KAT2B: variants seen among roughly 807,000 people sequenced by gnomAD.
KAT2B encodes lysine acetyltransferase 2B.
A neutral mutation model predicts 105.9 loss-of-function variants in KAT2B; 36 were observed. The observed-to-expected ratio is 0.34, with a 90% CI of 0.26 to 0.45. KAT2B has a LOEUF of 0.45. KAT2B is among the 20% of genes least tolerant of loss of function. The probability of loss-of-function intolerance (pLI) is 1.00; values close to 1 mark genes in which losing one functional copy is unlikely to be tolerated. For missense variants in KAT2B, 820 were observed against 1,021.6 expected, an observed-to-expected ratio of 0.80 and a Z score of 2.69; for synonymous variants, 397 against 377.9, an observed-to-expected ratio of 1.05 and a Z score of -0.59.
intron 1 of KAT2B, among the ~76,000 whole-genome samples, chr3:20,050,074 C>A (rs1165261198): frequency 1.3e-5 from 2 of 151,900 alleles, no homozygotes; most frequent in African/African-American, 4.8e-5. Context: ...GTGGCTTGCA[C>A]CTATAGTCCC....
chr3:20,040,742 A>C lies in KAT2B; in HGVS notation c.265A>C (p.Lys89Gln), dbSNP rs1697699241. The change falls in exon 1 of 18, where the codon AAG becomes CAG. Residue 89 changes from lysine to glutamine, a missense_variant. Physicochemically the swap from Lys to Gln is moderately conservative, Grantham distance 53. Coordinates refer to ENST00000263754, the MANE Select transcript of KAT2B (RefSeq NM_003884.5). ...KAQLRSAPRA[K>Q]KLEKLGVYSA... is the part of the protein sequence containing the mutation. ...GCAACTACGCTCCGCTCCGCGGGCC[A>C]AGAAACTGGAGAAACTCGGAGTGTA... The C allele has an allele frequency of 6.3e-7, 1 of 1,594,988 alleles. No individual in the cohort carries two copies. The highest frequency in any genetic ancestry group is 1.7e-5 in the Admixed American group (1 of 59,316).
chr3:20,072,609 C>T (rs1365806179), intron 2 of KAT2B, 150 bp downstream of exon 2: 6 of 722,986 alleles, frequency 8.3e-6, no homozygotes, highest in South Asian at 1.8e-5. Flanking sequence ...CACGAGTTTG[C>T]TGGGAAGGGC....
intron 2 of KAT2B, among the ~76,000 whole-genome samples, chr3:20,075,945 C>CTCT (rs578214884): frequency 9.8e-4 from 149 of 151,442 alleles, no homozygotes; most frequent in Middle Eastern, 3.4e-3. Flanking sequence ...ACGGCTTTAT[C>CTCT]TCTACACTTT....
rs548662442 is a variant in KAT2B, at chr3:20,085,845, A to G, written c.431-9418A>G. ...TTTTTCTATGATGTAAGTTATTTAT[A>G]TACTTAGAAACAATTTAATTGATTA... On this transcript the variant is annotated intron_variant, in intron 2 of 17. Transcript: ENST00000263754. Among the ~76,000 whole-genome samples, 85 of 152,280 alleles carry G rather than the reference A, an allele frequency of 5.6e-4. 1 individual carries two copies. The South Asian group carries it at 0.016, about 29-fold the overall frequency.
chr3:20,122,029 G>A (rs1433671270), intron 8 of KAT2B, among the ~76,000 whole-genome samples: 1 of 152,090 alleles, frequency 6.6e-6, no homozygotes, highest in Non-Finnish European at 1.5e-5. Context: ...GGTGCCGGTG[G>A]GGGCGGGGTG....
chr3:20,047,033 T>G (rs1316083854), intron 1 of KAT2B, among the ~76,000 whole-genome samples: 1 of 152,056 alleles, frequency 6.6e-6, no homozygotes. Flanking sequence ...ACAAATACCT[T>G]TGCAGCACAG....
intron 17 of KAT2B, among the ~76,000 whole-genome samples, chr3:20,151,566 T>C (rs2125202421): frequency 6.6e-6 from 1 of 152,308 alleles, no homozygotes; most frequent in Middle Eastern, 3.4e-3. Flanking sequence ...GCGTCTATTC[T>C]AATCTGCATA....
chr3:20,144,121 C>G (rs1033200603), intron 13 of KAT2B, among the ~76,000 whole-genome samples: 2 of 152,036 alleles, frequency 1.3e-5, no homozygotes, highest in Admixed American at 6.6e-5. Flanking sequence ...TTCTCAGGAG[C>G]CCACAATCTT....
intron 1 of KAT2B, among the ~76,000 whole-genome samples, chr3:20,060,121 T>C (rs1370262976): frequency 6.6e-6 from 1 of 152,266 alleles, no homozygotes; most frequent in Non-Finnish European, 1.5e-5. Flanking sequence ...ATTTTGCTTA[T>C]GCGTTAACTA....
At chr3:20,055,888 A>G (rs1437404858) in intron 1 of KAT2B, among the ~76,000 whole-genome samples, 1 of 152,168 alleles carries the variant, frequency 6.6e-6, no homozygotes, top group African/African-American at 2.4e-5. Context: ...TTTCATATAA[A>G]TGTTACCACA....
chr3:20,106,420 T>G (rs1450408472), intron 5 of KAT2B, among the ~76,000 whole-genome samples: 1 of 150,192 alleles, frequency 6.7e-6, no homozygotes, highest in Non-Finnish European at 1.5e-5. Flanking sequence ...AATCAATTTA[T>G]TAAAACAACA....
intron 17 of KAT2B, 128 bp downstream of exon 17, chr3:20,148,615 T>G: frequency 1.5e-6 from 1 of 684,302 alleles, no homozygotes; most frequent in Non-Finnish European, 2.5e-6. Flanking sequence ...GTGGTGGGAT[T>G]CCATGCACCG....
chr3:20,094,420 A>C (rs1441755539), intron 2 of KAT2B, among the ~76,000 whole-genome samples: 2 of 152,152 alleles, frequency 1.3e-5, no homozygotes, highest in African/African-American at 4.8e-5. Flanking sequence ...ATTTGAGATG[A>C]TGTTTGGGTG....
At chr3:20,092,249 G>A (rs7639181) in intron 2 of KAT2B, among the ~76,000 whole-genome samples, 18,158 of 78,228 alleles carry the variant, frequency 0.23, 1,946 homozygotes, top group South Asian at 0.43. Flanking sequence ...ATTTATTTGA[G>A]ATGGAGTGTT....
chr3:20,083,584 G>A (rs901454273), intron 2 of KAT2B, among the ~76,000 whole-genome samples: 3 of 152,202 alleles, frequency 2.0e-5, no homozygotes, highest in Non-Finnish European at 4.4e-5. Flanking sequence ...GTAGTCTCTG[G>A]ATCTGGTAGA....
intron 7 of KAT2B, among the ~76,000 whole-genome samples, chr3:20,117,934 G>T (rs2125170985): frequency 6.6e-6 from 1 of 152,100 alleles, no homozygotes; most frequent in East Asian, 1.9e-4. Context: ...GTTACAAGAA[G>T]AGGACAAAGA....
chr3:20,119,459 T>A (rs944221789), intron 7 of KAT2B, 139 bp from the exon 8 acceptor site: 2 of 737,984 alleles, frequency 2.7e-6, no homozygotes, highest in African/African-American at 3.5e-5. Flanking sequence ...ACTATTTTGA[T>A]GCCTTGTGGC....
intron 1 of KAT2B, among the ~76,000 whole-genome samples, chr3:20,048,018 A>T (rs545429922): frequency 6.6e-6 from 1 of 152,350 alleles, no homozygotes; most frequent in South Asian, 2.1e-4. Flanking sequence ...CAGATAGGCA[A>T]TATTGTCACA....
intron 13 of KAT2B, among the ~76,000 whole-genome samples, chr3:20,143,758 A>G (rs1699734701): frequency 6.6e-6 from 1 of 152,226 alleles, no homozygotes; most frequent in Non-Finnish European, 1.5e-5. Context: ...TGGGGCCATT[A>G]TCCTAAGCAG....
Sources: gnomAD v4.1 joint callset for allele counts (sites outside exome capture counted in the v4.1 genomes callset) on GRCh38, gnomAD v4.1.1 for gene constraint, MANE v1.5 for transcripts, NCBI Gene and HGNC (gene_info 2026-07-23, HGNC 2026-07-21) for gene names.